The following CAMK4 variants were observed in gnomAD, a reference collection of about 807,000 sequenced individuals.
CAMK4 encodes the protein calcium/calmodulin dependent protein kinase IV, also known as calcium/calmodulin-dependent protein kinase type IV.
Under a neutral mutation model 44.9 loss-of-function variants are expected in CAMK4, and 22 were observed. The observed-to-expected ratio is 0.49, with a 90% CI of 0.35 to 0.70. The LOEUF (loss-of-function observed/expected upper bound fraction) is 0.70, where lower values mean the gene tolerates loss of function less well. Ranked by LOEUF, CAMK4 falls within the 30% of genes least tolerant of loss-of-function variation. The probability of loss-of-function intolerance (pLI) is 0.01; values close to 1 mark genes in which losing one functional copy is unlikely to be tolerated. For missense variants in CAMK4, 498 were observed against 586.8 expected (o/e 0.85, Z 1.56); for synonymous variants, 218 against 215.4 (o/e 1.01, Z -0.11).
intron 1 of CAMK4, among the ~76,000 whole-genome samples, chr5:111,320,321 T>C (rs1748606841): frequency 6.6e-6 from 1 of 152,012 alleles, no homozygotes; most frequent in Non-Finnish European, 1.5e-5. Context: ...TCTAGAAAGA[T>C]TGTTCCAGTA....
chr5:111,384,336 A>C (rs543537236), intron 4 of CAMK4, among the ~76,000 whole-genome samples: 17 of 152,108 alleles, frequency 1.1e-4, no homozygotes, highest in African/African-American at 4.1e-4. Flanking sequence ...GCTTTCGTCC[A>C]ACTTTTCAGC....
chr5:111,373,735 A>G (rs1751102384), intron 2 of CAMK4, among the ~76,000 whole-genome samples: 1 of 152,186 alleles, frequency 6.6e-6, no homozygotes, highest in Non-Finnish European at 1.5e-5. Context: ...TGAATTGCAC[A>G]TAAACTTCTT....
chr5:111,249,113 C>A (rs1285408695), intron 1 of CAMK4, among the ~76,000 whole-genome samples: 1 of 152,152 alleles, frequency 6.6e-6, no homozygotes, highest in Admixed American at 6.6e-5. Flanking sequence ...TGATTGAATT[C>A]AACCAGATTA....
At chr5:111,355,264 T>G (rs1473681687) in intron 2 of CAMK4, among the ~76,000 whole-genome samples, 4 of 152,086 alleles carry the variant, frequency 2.6e-5, no homozygotes, top group Non-Finnish European at 5.9e-5. Flanking sequence ...CCAGGTCTCC[T>G]GGAATAGGAA....
chr5:111,344,082 C>T lies in CAMK4; in HGVS notation c.220C>T (p.Leu74Phe). ...KQKGTQKPYA[L>F]KVLKKTVDKK... ...GAAGGGGACCCAGAAGCCTTATGCT[C>T]TCAAAGTGTTAAAGAAAACAGTAAG... Residue 74 changes from leucine to phenylalanine, a missense_variant, in exon 2 of 11, where the codon CTC (leucine) becomes TTC (phenylalanine). Leu to Phe is a conservative substitution (Grantham distance 22). Around this residue, in one of 3 missense-constraint regions of CAMK4, gnomAD observed 152 missense variants for 143.7 expected, o/e 1.06. Coordinates refer to ENST00000282356, the MANE Select transcript of CAMK4 (RefSeq NM_001744.6). 6.2e-7 allele frequency: 1 copy of T among 1,601,496 alleles called. No individual in the cohort carries two copies. Among genetic ancestry groups the T allele is most frequent in the Non-Finnish European group, 8.6e-7 (1 of 1,169,476 alleles).
At chr5:111,311,277 G>A (rs996927833) in intron 1 of CAMK4, among the ~76,000 whole-genome samples, 2 of 152,166 alleles carry the variant, frequency 1.3e-5, no homozygotes, top group African/African-American at 4.8e-5. Context: ...GCAGATGGAG[G>A]GGCTGCCTGC....
At chr5:111,283,938 T>C (rs1046155145) in intron 1 of CAMK4, among the ~76,000 whole-genome samples, 1 of 152,220 alleles carries the variant, frequency 6.6e-6, no homozygotes, top group Non-Finnish European at 1.5e-5. Flanking sequence ...CCATTTCACT[T>C]GAAAAATCAT....
At chr5:111,363,701 G>C (rs1330112029) in intron 2 of CAMK4, among the ~76,000 whole-genome samples, 1 of 148,418 alleles carries the variant, frequency 6.7e-6, no homozygotes, top group Non-Finnish European at 1.5e-5. Flanking sequence ...GAGGCCTGAT[G>C]GAAGAGGGAA....
At chr5:111,381,078 G>C (rs1751395934) in intron 4 of CAMK4, among the ~76,000 whole-genome samples, 1 of 152,158 alleles carries the variant, frequency 6.6e-6, no homozygotes, top group Non-Finnish European at 1.5e-5. Context: ...CCTGTCAGCT[G>C]CTGTGTTGGA....
intron 2 of CAMK4, among the ~76,000 whole-genome samples, chr5:111,366,001 A>G (rs1750780259): frequency 6.6e-6 from 1 of 152,152 alleles, no homozygotes; most frequent in Admixed American, 6.6e-5. Flanking sequence ...CAAGCATGTT[A>G]GTGCCAACAT....
rs1040942285 is a variant in CAMK4 at position 111,493,921 on chromosome 5, T to C, written c.*9455T>C. 2 of 152,166 alleles carry C rather than the reference T, an allele frequency of 1.3e-5. No individual in the cohort carries two copies. Among genetic ancestry groups the C allele is most frequent in the East Asian group, 3.9e-4 (2 of 5,192 alleles). The allele number at this position is 152,166 out of a possible 1,614,324, so 9.4% of individuals were successfully genotyped here. On this transcript the variant is annotated 3_prime_UTR_variant, in exon 11 of 11. Coordinates refer to ENST00000282356, the MANE Select transcript of CAMK4 (RefSeq NM_001744.6). This position sits in a 1 kb window ranked among gnomAD's most constrained non-coding sequence, Gnocchi z 4.1. ...TGTCATTTGAATGATGGAAGAGAAG[T>C]AGAATTACTGTGAGGTTACAAAAAT...
Position 111,374,116 on chromosome 5 carries a change from T to A in CAMK4, c.241-734T>A, listed in dbSNP as rs114811184. Among the ~76,000 whole-genome samples, 33 of 152,192 alleles carry A rather than the reference T, an allele frequency of 2.2e-4. 1 individual carries two copies. The South Asian group carries it at 5.0e-3, about 23-fold the overall frequency. On this transcript the variant is annotated intron_variant, in intron 2 of 10. Coordinates refer to ENST00000282356, the MANE Select transcript of CAMK4 (RefSeq NM_001744.6). ...AAAGGAAATGTAGTGGCTCATATAA[T>A]TAGAAGTTCAAAAGGCAAACCAGCA...
intron 1 of CAMK4, among the ~76,000 whole-genome samples, chr5:111,314,693 A>G (rs1283480485): frequency 6.6e-6 from 1 of 152,080 alleles, no homozygotes; most frequent in Non-Finnish European, 1.5e-5. Context: ...GTTCTTGAAT[A>G]TGATTGAAAA....
At chr5:111,438,234 T>C (rs1164692726) in intron 5 of CAMK4, among the ~76,000 whole-genome samples, 1 of 152,094 alleles carries the variant, frequency 6.6e-6, no homozygotes, top group African/African-American at 2.4e-5. Flanking sequence ...CAACTGAAAA[T>C]GAGACAAGGC....
Position 111,446,775 on chromosome 5 carries a change from C to T in CAMK4, c.549C>T (p.Ile183=), listed in dbSNP as rs267600313. 7 of 1,587,412 alleles carry T rather than the reference C, an allele frequency of 4.4e-6. No individual in the cohort carries two copies. Among genetic ancestry groups the T allele is most frequent in the Middle Eastern group, 1.7e-4 (1 of 6,012 alleles). The change falls in exon 6 of 11, where the codon ATC becomes ATT. Residue 183 remains isoleucine, a splice_region_variant and synonymous_variant. Coordinates refer to ENST00000282356, the MANE Select transcript of CAMK4 (RefSeq NM_001744.6). ...CAGCCCCAGATGCACCACTCAAAAT[C>T]GGTGAGAACATTTCTTCTTGTTTTG... ...ATPAPDAPLK[I]ADFGLSKIVE... is the part of the protein sequence containing the mutation.
chr5:111,398,604 C>T (rs1752106530), intron 5 of CAMK4, among the ~76,000 whole-genome samples: 1 of 152,092 alleles, frequency 6.6e-6, no homozygotes. Flanking sequence ...CGGCGGAAGC[C>T]CTACTTGTTT....
chr5:111,374,205 C>G (rs1751122779), intron 2 of CAMK4, among the ~76,000 whole-genome samples: 1 of 152,108 alleles, frequency 6.6e-6, no homozygotes, highest in African/African-American at 2.4e-5. Context: ...ATATTTTTTC[C>G]TGTGTTGGCC....
chr5:111,460,407 G>C (rs750008047), intron 7 of CAMK4, among the ~76,000 whole-genome samples: 1 of 151,490 alleles, frequency 6.6e-6, no homozygotes, highest in African/African-American at 2.4e-5. Flanking sequence ...GAGTAGCTGG[G>C]ACCACAAGCG....
chr5:111,394,125 C>G (rs1751910275), intron 4 of CAMK4, among the ~76,000 whole-genome samples: 1 of 152,002 alleles, frequency 6.6e-6, no homozygotes, highest in South Asian at 2.1e-4. Context: ...CTTATTCAAA[C>G]AAGTAATTTA....
Sources: allele counts gnomAD v4.1 joint callset (sites outside exome capture counted in the v4.1 genomes callset), GRCh38; gene constraint gnomAD v4.1.1; regional missense constraint gnomAD v4.1.1; non-coding constraint Gnocchi (gnomAD v3.1); transcripts MANE v1.5; gene names NCBI Gene and HGNC (gene_info 2026-07-23, HGNC 2026-07-21).